The following PLD1 variants were observed in gnomAD, a reference collection of about 807,000 sequenced individuals.
The protein encoded by PLD1 is phospholipase D1, also known as choline phosphatase 1.
A neutral mutation model predicts 137.1 loss-of-function variants in PLD1; 112 were observed. That is an observed-to-expected ratio of 0.82 (90% CI 0.70 to 0.96). The LOEUF is 0.96. PLD1 is among the 40% of genes least tolerant of loss of function. The probability of loss-of-function intolerance (pLI) is 0.00; values close to 1 mark genes in which losing one functional copy is unlikely to be tolerated. For missense variants in PLD1, 1,321 were observed against 1,342.0 expected (o/e 0.98, Z 0.24); for synonymous variants, 431 against 454.7 (o/e 0.95, Z 0.66).
chr3:171,653,934 A>C (rs947538344), intron 21 of PLD1: 1 of 253,298 alleles, frequency 3.9e-6, no homozygotes, highest in African/African-American at 2.4e-5. Flanking sequence ...GCTGGAGAGA[A>C]TCCAGGTCTC....
chr3:171,764,120 T>C lies in PLD1; in HGVS notation c.-31-26038A>G, dbSNP rs559999671. ...CCAAATACCTGGGACCATAGTCACA[T>C]GCCACCACGTCCAGCTAATTTTATT... On this transcript the variant is annotated intron_variant, in intron 1 of 26. Transcript: ENST00000351298. Among the ~76,000 whole-genome samples, 3 of 152,224 alleles carry C rather than the reference T, an allele frequency of 2.0e-5. No individual in the cohort carries two copies. In the South Asian group the frequency reaches 6.2e-4, roughly 32 times the overall value.
chr3:171,691,877 T>C (rs1715193785), intron 13 of PLD1, among the ~76,000 whole-genome samples: 1 of 152,218 alleles, frequency 6.6e-6, no homozygotes, highest in Non-Finnish European at 1.5e-5. Flanking sequence ...CTTTTTCAAA[T>C]TGCTTTTCAT....
At chr3:171,666,458 G>T (rs536242049) in intron 19 of PLD1, among the ~76,000 whole-genome samples, 2 of 152,318 alleles carry the variant, frequency 1.3e-5, no homozygotes, top group South Asian at 2.1e-4. Flanking sequence ...CCTCCCACTG[G>T]GTCCCTCCCA....
In PLD1 at chr3:171,692,496, A is replaced by G. The variant is rs1715285224; in HGVS notation, c.1228-54T>C. ...TGAGTATCTCTGGAGGGAAGTTACA[A>G]TTCATTTTCTTTTTCCTTTGCACTG... On this transcript the variant is annotated intron_variant, in intron 12 of 26. Transcript: ENST00000351298. The G allele has an allele frequency of 6.9e-6, 6 of 864,438 alleles. No homozygotes were observed. The Admixed American group carries it at 1.1e-4, about 16-fold the overall frequency. The allele number at this position is 864,438 out of a possible 1,614,324, so 53.5% of individuals were successfully genotyped here.
At chr3:171,746,336 G>A (rs146730080) in intron 1 of PLD1, among the ~76,000 whole-genome samples, 39 of 152,370 alleles carry the variant, frequency 2.6e-4, no homozygotes, top group African/African-American at 9.1e-4. Context: ...AGCCAGCTGG[G>A]CTCCTAAGTT....
chr3:171,694,041 C>T (rs543024798), intron 12 of PLD1, among the ~76,000 whole-genome samples: 30 of 152,190 alleles, frequency 2.0e-4, no homozygotes, highest in Middle Eastern at 3.4e-3. Flanking sequence ...TATTGTTCTG[C>T]CAATACTAAA....
intron 25 of PLD1, among the ~76,000 whole-genome samples, chr3:171,606,167 T>G (rs1453528507): frequency 6.6e-6 from 1 of 152,114 alleles, no homozygotes; most frequent in Non-Finnish European, 1.5e-5. Flanking sequence ...ATAGAGTGAA[T>G]GTAGGGTGTG....
intron 11 of PLD1, among the ~76,000 whole-genome samples, chr3:171,702,448 A>G (rs1716328686): frequency 6.6e-6 from 1 of 151,900 alleles, no homozygotes; most frequent in African/African-American, 2.4e-5. Flanking sequence ...CGATCATGTC[A>G]GTGCACTTCA....
intron 12 of PLD1, among the ~76,000 whole-genome samples, chr3:171,695,363 TAGG>T (rs1390831301): frequency 6.6e-6 from 1 of 152,220 alleles, no homozygotes; most frequent in Non-Finnish European, 1.5e-5. Flanking sequence ...AAATTATTAA[TAGG>T]AGAAGTAGAA....
intron 19 of PLD1, among the ~76,000 whole-genome samples, chr3:171,668,693 A>G (rs533033892): frequency 1.3e-4 from 20 of 152,190 alleles, no homozygotes; most frequent in African/African-American, 4.8e-4. Context: ...CCATATAGGC[A>G]GGAATTCTCA....
chr3:171,797,630 T>A (rs892474805), intron 1 of PLD1, among the ~76,000 whole-genome samples: 1 of 149,980 alleles, frequency 6.7e-6, no homozygotes, highest in Admixed American at 6.7e-5. Flanking sequence ...AGGTTGTCTT[T>A]AAAAAAAAAA....
intron 1 of PLD1, chr3:171,791,987 C>T (rs558418606): frequency 1.8e-4 from 27 of 152,760 alleles, no homozygotes; most frequent in African/African-American, 5.8e-4. Flanking sequence ...GCTCCCTTTC[C>T]CAACACCATC....
At chr3:171,631,769 A>C (rs142564311) in intron 23 of PLD1, among the ~76,000 whole-genome samples, 4 of 152,178 alleles carry the variant, frequency 2.6e-5, no homozygotes, top group Non-Finnish European at 5.9e-5. Context: ...GTAAGTCCAT[A>C]CTAATATAAA....
At chr3:171,800,943 A>G (rs1723620687) in intron 1 of PLD1, among the ~76,000 whole-genome samples, 1 of 152,200 alleles carries the variant, frequency 6.6e-6, no homozygotes, top group Non-Finnish European at 1.5e-5. Context: ...TCCTAATACC[A>G]TCACCCCTTG....
intron 1 of PLD1, among the ~76,000 whole-genome samples, chr3:171,790,418 GAAGACCTCTTGGCGTGGAATCACCCAGA>G (rs567451583): frequency 6.6e-6 from 1 of 152,318 alleles, no homozygotes; most frequent in South Asian, 2.1e-4. Context: ...GGACACAGAG[GAAGACCTCTTGGCGTGGAATCACCCAGA>G]AAGACACTAA....
rs534529966 is a variant in PLD1, at chr3:171,667,144, G to C, written c.2230-4974C>G. Among the ~76,000 whole-genome samples the C allele has an allele frequency of 2.3e-4, 35 of 152,234 alleles. 2 individuals are homozygous for C. The South Asian group carries it at 7.1e-3, about 31-fold the overall frequency. On this transcript the variant is annotated intron_variant, in intron 19 of 26. Coordinates refer to ENST00000351298, the MANE Select transcript of PLD1 (RefSeq NM_002662.5). Reference sequence around the variant, plus strand: ...GATTCCAAGTCAATCATGGAACAAAGACTATTTAGGACAAAAGCACTTTTT... The same window carrying C: ...GATTCCAAGTCAATCATGGAACAAACACTATTTAGGACAAAAGCACTTTTT...
At chr3:171,667,656 C>G (rs1335553399) in intron 19 of PLD1, among the ~76,000 whole-genome samples, 1 of 152,140 alleles carries the variant, frequency 6.6e-6, no homozygotes, top group Non-Finnish European at 1.5e-5. Flanking sequence ...GCTAGAGCCC[C>G]AGCAGTTACA....
chr3:171,701,472 T>A (rs754849420), intron 11 of PLD1, among the ~76,000 whole-genome samples: 1 of 152,186 alleles, frequency 6.6e-6, no homozygotes, highest in Non-Finnish European at 1.5e-5. Flanking sequence ...AGAGCTTCGG[T>A]ATGGGGGAGA....
At chr3:171,756,235 A>G (rs1391871309) in intron 1 of PLD1, among the ~76,000 whole-genome samples, 1 of 152,210 alleles carries the variant, frequency 6.6e-6, no homozygotes. Context: ...GTGGTCCTAG[A>G]GCTAAAAAGT....
Sources: allele counts gnomAD v4.1 joint callset (sites outside exome capture counted in the v4.1 genomes callset), GRCh38; gene constraint gnomAD v4.1.1; transcripts MANE v1.5; gene names NCBI Gene and HGNC (gene_info 2026-07-23, HGNC 2026-07-21).